Variants in CEP57L1 observed in about 807,000 individuals in gnomAD.
CEP57L1 encodes centrosomal protein CEP57L1.
Under a neutral mutation model 61.0 loss-of-function variants are expected in CEP57L1, and 37 were observed. The ratio of observed to expected loss-of-function variants is 0.61; its 90% CI spans 0.47 to 0.80. The LOEUF is 0.80. CEP57L1 is among the 30% of genes least tolerant of loss of function. The probability of loss-of-function intolerance (pLI) is 0.00; values close to 1 mark genes in which losing one functional copy is unlikely to be tolerated. For missense variants in CEP57L1, 422 were observed against 524.7 expected (o/e 0.80, Z 1.91); for synonymous variants, 137 against 162.3 (o/e 0.84, Z 1.19).
chr6:109,096,692 T>C (rs1277053144), intron 1 of CEP57L1, among the ~76,000 whole-genome samples: 2 of 152,256 alleles, frequency 1.3e-5, no homozygotes, highest in African/African-American at 4.8e-5. Flanking sequence ...TTCAAAAGCC[T>C]TGTTACATTC....
intron 7 of CEP57L1, chr6:109,158,609 G>GT (rs1562145066): frequency 2.2e-6 from 1 of 457,930 alleles, no homozygotes; most frequent in South Asian, 1.6e-5. Context: ...GGATAAATGC[G>GT]TAAGAGAACA....
chr6:109,151,237 A>C (rs1230955846), intron 4 of CEP57L1, among the ~76,000 whole-genome samples: 1 of 152,166 alleles, frequency 6.6e-6, no homozygotes, highest in African/African-American at 2.4e-5. Flanking sequence ...TTTTTAAGGA[A>C]CTAGAGAATT....
chr6:109,132,219 A>C (rs1213594759), intron 1 of CEP57L1, among the ~76,000 whole-genome samples: 1 of 152,210 alleles, frequency 6.6e-6, no homozygotes, highest in Admixed American at 6.5e-5. Flanking sequence ...AGTGCTTTAA[A>C]CATTGACTTC....
At chr6:109,140,923 C>T (rs551659584) in intron 1 of CEP57L1, among the ~76,000 whole-genome samples, 17 of 151,956 alleles carry the variant, frequency 1.1e-4, no homozygotes, top group Admixed American at 2.6e-4. Flanking sequence ...CTCCGCCTCC[C>T]GGGTTGACGC....
Position 109,143,281 on chromosome 6 carries a change from C to A in CEP57L1, c.-3-1938C>A, listed in dbSNP as rs1004715067. On this transcript the variant is annotated intron_variant, in intron 1 of 10. Coordinates refer to ENST00000517392, the MANE Select transcript of CEP57L1 (RefSeq NM_001271852.3). ...TCCTCCTTTCCTTAGTCATTTAAGG[C>A]TTTTATTTTGGATCAAGCCTTTTGT... Among the ~76,000 whole-genome samples the A allele has an allele frequency of 2.6e-4, 39 of 152,238 alleles. No individual in the cohort carries two copies. In the East Asian group the frequency reaches 3.3e-3, roughly 13 times the overall value.
chr6:109,148,836 C>T (rs1300839581), intron 3 of CEP57L1, among the ~76,000 whole-genome samples: 3 of 152,164 alleles, frequency 2.0e-5, no homozygotes, highest in African/African-American at 2.4e-5. Flanking sequence ...TGCTATCTCA[C>T]TGTGGTTTTG....
chr6:109,124,369 T>C (rs1348038328), intron 1 of CEP57L1, among the ~76,000 whole-genome samples: 1 of 152,134 alleles, frequency 6.6e-6, no homozygotes, highest in African/African-American at 2.4e-5. Context: ...TCACTCAGAG[T>C]AGATTGCTCA....
At chr6:109,136,751 TTTTATTTTA>T (rs200492512) in intron 1 of CEP57L1, among the ~76,000 whole-genome samples, 2,389 of 146,288 alleles carry the variant, frequency 0.016, 75 homozygotes, top group African/African-American at 0.058. Flanking sequence ...TTTTATTTTA[TTTTATTTTA>T]TTTATTTTTT....
chr6:109,153,771 T>C, intron 4 of CEP57L1, 62 bp from the exon 5 acceptor site: 1 of 869,626 alleles, frequency 1.1e-6, no homozygotes, highest in Non-Finnish European at 1.9e-6. Flanking sequence ...ATTGTATTAT[T>C]CTTGTTCCAT....
chr6:109,142,946 G>GCGCT (rs1771551674), intron 1 of CEP57L1, among the ~76,000 whole-genome samples: 1 of 55,478 alleles, frequency 1.8e-5, no homozygotes. Context: ...TGTCTCTCTT[G>GCGCT]CTCTCTCTCT....
At chr6:109,123,940 G>A (rs543923798) in intron 1 of CEP57L1, among the ~76,000 whole-genome samples, 17 of 152,096 alleles carry the variant, frequency 1.1e-4, no homozygotes, top group African/African-American at 4.1e-4. Context: ...GCATGGTGGC[G>A]TGCACCTGTA....
At chr6:109,108,142 T>C (rs1324165498) in intron 1 of CEP57L1, among the ~76,000 whole-genome samples, 2 of 152,072 alleles carry the variant, frequency 1.3e-5, no homozygotes, top group Non-Finnish European at 2.9e-5. Context: ...CACCAGTGAA[T>C]CTAAATGTAA....
Position 109,158,944 on chromosome 6 carries a change from G to A in CEP57L1, c.745-81G>A, listed in dbSNP as rs1562145565. The A allele has an allele frequency of 4.3e-6, 6 of 1,400,070 alleles. No homozygotes were observed. In the South Asian group the frequency reaches 6.5e-5, roughly 15 times the overall value. 86.7% of individuals were successfully genotyped at this position (1,400,070 alleles called of 1,614,324 possible). ...CCATTTTCCAGTTGCATTGTTTTCT[G>A]TTGAGTTTTGAGAGTTCTTCATATC... On this transcript the variant is annotated intron_variant, in intron 7 of 10. Coordinates refer to ENST00000517392, the MANE Select transcript of CEP57L1 (RefSeq NM_001271852.3).
In CEP57L1 at chr6:109,167,310, T is replaced by G. The variant is rs971725616; in HGVS notation, c.*4340T>G. ...GTTGTTACTTTTGCTGTAGATTGTTTACTTAAAGAATTAGGTGAATTTTTT... is the reference window on the plus strand; with the variant it reads ...GTTGTTACTTTTGCTGTAGATTGTTGACTTAAAGAATTAGGTGAATTTTTT... On this transcript the variant is annotated 3_prime_UTR_variant, in exon 11 of 11. Coordinates refer to ENST00000517392, the MANE Select transcript of CEP57L1 (RefSeq NM_001271852.3). 6.6e-6 allele frequency among the ~76,000 whole-genome samples: 1 copy of G among 151,410 alleles called. No homozygotes were observed. Among genetic ancestry groups the G allele is most frequent in the East Asian group, 1.9e-4 (1 of 5,200 alleles).
At chr6:109,123,443 A>G (rs906277239) in intron 1 of CEP57L1, among the ~76,000 whole-genome samples, 1 of 152,196 alleles carries the variant, frequency 6.6e-6, no homozygotes, top group Non-Finnish European at 1.5e-5. Flanking sequence ...AAAGAAGTTA[A>G]TACCTCATAG....
Position 109,150,183 on chromosome 6 carries a change from A to G in CEP57L1, c.406A>G (p.Thr136Ala), listed in dbSNP as rs747790411. The stretch of plus-strand genomic sequence containing the variant: ...TCTTCTAGAGAAGCAACTAGAATAT[A>G]CAAAGAGAATGGTTCTCAACGTAGA... ...CTLLEKQLEYTKRMVLNVERE... is the reference protein window; with the variant it reads ...CTLLEKQLEYAKRMVLNVERE... The change falls in exon 4 of 11, where the codon ACA becomes GCA. Residue 136 changes from threonine (T) to alanine (A), a missense_variant. Thr to Ala is a moderately conservative substitution (Grantham distance 58). Coordinates refer to ENST00000517392, the MANE Select transcript of CEP57L1 (RefSeq NM_001271852.3). 17 of 1,610,336 alleles carry G rather than the reference A, an allele frequency of 1.1e-5. No individual in the cohort carries two copies. In the Admixed American group the frequency reaches 2.3e-4, roughly 22 times the overall value.
intron 5 of CEP57L1, among the ~76,000 whole-genome samples, chr6:109,154,766 T>C (rs1337342127): frequency 1.3e-5 from 2 of 152,082 alleles, no homozygotes; most frequent in Non-Finnish European, 2.9e-5. Context: ...TATAAGCTCT[T>C]AAGTAACAAG....
chr6:109,140,924 G>A (rs1480493677), intron 1 of CEP57L1, among the ~76,000 whole-genome samples: 3 of 151,070 alleles, frequency 2.0e-5, no homozygotes, highest in East Asian at 2.0e-4. Context: ...TCCGCCTCCC[G>A]GGTTGACGCC....
intron 1 of CEP57L1, among the ~76,000 whole-genome samples, chr6:109,128,674 T>C (rs900117057): frequency 6.6e-6 from 1 of 152,246 alleles, no homozygotes; most frequent in Non-Finnish European, 1.5e-5. Flanking sequence ...ATGGCCCTTA[T>C]GCATTTTTAG....
Sources: allele counts gnomAD v4.1 joint callset (sites outside exome capture counted in the v4.1 genomes callset), GRCh38; gene constraint gnomAD v4.1.1; transcripts MANE v1.5; gene names NCBI Gene and HGNC (gene_info 2026-07-23, HGNC 2026-07-21).